The following TMEM52B variants were observed in gnomAD, a reference collection of about 807,000 sequenced individuals.
The protein encoded by TMEM52B is transmembrane protein 52B, also known as chromosome 12 open reading frame 59.
Under a neutral mutation model 16.1 loss-of-function variants are expected in TMEM52B, and 11 were observed. That is an observed-to-expected ratio of 0.68 (90% CI 0.43 to 1.13). The LOEUF is 1.13. TMEM52B is among the 50% of genes most tolerant of loss of function. The pLI, the probability that TMEM52B is intolerant of heterozygous loss-of-function variation, is 0.00. For missense variants in TMEM52B, 243 were observed against 230.4 expected (o/e 1.05, Z -0.35); for synonymous variants, 101 against 93.8 (o/e 1.08, Z -0.45).
intron 1 of TMEM52B, 79 bp from the exon 2 acceptor site, chr12:10,182,471 C>T (rs1948835710): frequency 2.6e-5 from 39 of 1,505,054 alleles, no homozygotes; most frequent in Admixed American, 6.1e-5. Flanking sequence ...CACAGCACAA[C>T]CATGAGAGAT....
chr12:10,180,276 T>G (rs1222660902), intron 1 of TMEM52B, among the ~76,000 whole-genome samples: 1 of 57,898 alleles, frequency 1.7e-5, no homozygotes, highest in Non-Finnish European at 4.0e-5. Context: ...GTATGGTTTG[T>G]TTTTTTTTTT....
intron 1 of TMEM52B, chr12:10,182,020 CAAAAAAA>C: frequency 1.5e-6 from 1 of 663,400 alleles, no homozygotes; most frequent in Non-Finnish European, 1.7e-6. Flanking sequence ...GAGCAAGACT[CAAAAAAA>C]AAAAAAAAAA....
chr12:10,185,274 T>G lies in TMEM52B; in HGVS notation c.99-56T>G, dbSNP rs183338554. On this transcript the variant is annotated intron_variant, in intron 2 of 4. Coordinates refer to ENST00000543484, the MANE Select transcript of TMEM52B (RefSeq NM_001384896.1). ...GTAACTCATATTTCTGAGTCTGGAG[T>G]TATAACAGGGATTGACTATATTTTT... 3.2e-4 allele frequency: 394 copies of G among 1,213,108 alleles called. No homozygotes were observed. In the African/African-American group the frequency reaches 5.2e-3, roughly 16 times the overall value. The allele number at this position is 1,213,108 out of a possible 1,614,324, so 75.1% of individuals were successfully genotyped here.
At chr12:10,173,001 G>A (rs1431768807) in intron 1 of TMEM52B, among the ~76,000 whole-genome samples, 1 of 152,092 alleles carries the variant, frequency 6.6e-6, no homozygotes, top group African/African-American at 2.4e-5. Context: ...AAAATGACAA[G>A]CTTTGTACTT....
At chr12:10,182,059 TAGC>T (rs1591989765) in intron 1 of TMEM52B, 1 of 875,058 alleles carries the variant, frequency 1.1e-6, no homozygotes, top group East Asian at 1.2e-4. Context: ...AAAAACTTGT[TAGC>T]AGTCTGAGTG....
chr12:10,182,677 A>T (rs1172382184), intron 2 of TMEM52B, 84 bp downstream of exon 2: 1 of 1,309,602 alleles, frequency 7.6e-7, no homozygotes, highest in Non-Finnish European at 1.0e-6. Context: ...GTCATTAGAC[A>T]TCTATGACTT....
upstream of TMEM52B, among the ~76,000 whole-genome samples, chr12:10,178,643 A>AG (rs1555089682): frequency 4.7e-4 from 70 of 149,958 alleles, no homozygotes; most frequent in South Asian, 8.4e-4. Flanking sequence ...TCCTTAACCA[A>AG]AGAGAGAGAG....
At chr12:10,171,782 T>C (rs11053654) in intron 1 of TMEM52B, among the ~76,000 whole-genome samples, 65,022 of 152,096 alleles carry the variant, frequency 0.43, 16,308 homozygotes, top group Middle Eastern at 0.58. Flanking sequence ...GTGAATAACA[T>C]ATAGAATAAC....
chr12:10,189,809 C>G (rs371915558), intron 4 of TMEM52B, 87 bp from the exon 5 acceptor site: 3 of 1,523,374 alleles, frequency 2.0e-6, no homozygotes, highest in African/African-American at 2.8e-5. Flanking sequence ...AAAAATGAAG[C>G]GACAGTTAAG....
At chr12:10,189,839 G>C (rs1333698967) in intron 4 of TMEM52B, 57 bp from the exon 5 acceptor site, 21 of 1,597,954 alleles carry the variant, frequency 1.3e-5, no homozygotes, top group Non-Finnish European at 1.8e-5. Flanking sequence ...AGTCTCTGCT[G>C]TCTGAGGGTG....
chr12:10,188,941 C>T (rs1428219415), intron 4 of TMEM52B, among the ~76,000 whole-genome samples: 4 of 138,686 alleles, frequency 2.9e-5, no homozygotes, highest in Admixed American at 1.7e-4. Context: ...GGCGAGAACC[C>T]GGGAGGCGGA....
At position 10,190,059 on chromosome 12, in the gene TMEM52B, TG is replaced by T. The variant is rs1948940056; in HGVS notation, c.472del (p.Asp158IlefsTer21). ...TAGCCATGTGCGGGCAGAAAGCACC[TG>T]ATCTACCCCCAGTACCTGAAGAAAA... ...TVAMCGQKAPDLPPVPEEKQL... is the reference protein window; with the variant it reads ...TVAMCGQKAPXLPPVPEEKQL... On this transcript the variant is annotated frameshift_variant, in exon 5 of 5. Coordinates refer to ENST00000543484, the MANE Select transcript of TMEM52B (RefSeq NM_001384896.1). LOFTEE classifies it low-confidence loss of function (END_TRUNC). The T allele has an allele frequency of 6.2e-7, 1 of 1,613,834 alleles. No individual in the cohort carries two copies. Among genetic ancestry groups the T allele is most frequent in the Non-Finnish European group, 8.5e-7 (1 of 1,179,986 alleles).
At chr12:10,184,203 T>C (rs1485047225) in intron 2 of TMEM52B, among the ~76,000 whole-genome samples, 2 of 152,210 alleles carry the variant, frequency 1.3e-5, no homozygotes, top group Non-Finnish European at 2.9e-5. Context: ...TCGGAAGACC[T>C]GCAAGCTCCG....
chr12:10,184,701 T>C (rs1197168942), intron 2 of TMEM52B, among the ~76,000 whole-genome samples: 1 of 152,228 alleles, frequency 6.6e-6, no homozygotes, highest in South Asian at 2.1e-4. Context: ...CAAATGTGAT[T>C]GTATGACTTT....
rs1948944318 is a variant in TMEM52B at position 10,190,362 on chromosome 12, A to G, written c.*222A>G. The G allele has an allele frequency of 1.9e-6, 1 of 535,094 alleles. No homozygotes were observed. Among genetic ancestry groups the G allele is most frequent in the South Asian group, 2.1e-5 (1 of 47,964 alleles). The allele number at this position is 535,094 out of a possible 1,614,324, so 33.1% of individuals were successfully genotyped here. A position where few individuals can be genotyped will look rare whatever the true frequency, so the allele number is the denominator to read the frequency against. Reference sequence around the variant, plus strand: ...TTGTATCCAATGGCCAAAATCTGCAAGTAATCTCTAGCCACACTGATTACT... The same window carrying G: ...TTGTATCCAATGGCCAAAATCTGCAGGTAATCTCTAGCCACACTGATTACT... On this transcript the variant is annotated 3_prime_UTR_variant, in exon 5 of 5. Transcript: ENST00000543484.
intron 2 of TMEM52B, 137 bp from the exon 3 acceptor site, chr12:10,185,193 A>T (rs983698935): frequency 1.2e-5 from 8 of 673,158 alleles, no homozygotes; most frequent in Non-Finnish European, 1.8e-5. Flanking sequence ...AGCTACAGTG[A>T]ATTTTAAAAA....
At position 10,188,503 on chromosome 12, in the gene TMEM52B, AG is replaced by A. The variant is rs368992114; in HGVS notation, c.308-1391del. On this transcript the variant is annotated intron_variant, in intron 4 of 4. Transcript: ENST00000543484. ...AGAAAGAGAGAGAGGGAAGGAAGGA[AG>A]GAAGGAAGGAAGGAAGGAAGGAAGG... 9.4e-3 allele frequency among the ~76,000 whole-genome samples: 886 copies of A among 94,570 alleles called. 2 individuals are homozygous for A. The highest frequency in any genetic ancestry group is 0.024 in the Middle Eastern group (5 of 210). The allele number at this position is 94,570 out of a possible 152,430, so 62.0% of individuals were successfully genotyped here. A position where few individuals can be genotyped will look rare whatever the true frequency, so the allele number is the denominator to read the frequency against.
intron 2 of TMEM52B, 36 bp downstream of exon 2, chr12:10,182,629 C>T: frequency 6.6e-7 from 1 of 1,525,892 alleles, no homozygotes; most frequent in Non-Finnish European, 8.8e-7. Flanking sequence ...GAAGGAGCAA[C>T]AGACCAAAAC....
At chr12:10,174,389 G>T (rs57056622), upstream of TMEM52B, among the ~76,000 whole-genome samples, 1 of 152,062 alleles carries the variant, frequency 6.6e-6, no homozygotes, top group South Asian at 2.1e-4. Flanking sequence ...TGGGTCATGG[G>T]GTTCCCAGAC....
Sources: allele counts gnomAD v4.1 joint callset (sites outside exome capture counted in the v4.1 genomes callset), GRCh38; gene constraint gnomAD v4.1.1; transcripts MANE v1.5; gene names NCBI Gene and HGNC (gene_info 2026-07-23, HGNC 2026-07-21).